The following SEPTIN10 variants were observed in gnomAD, a reference collection of about 807,000 sequenced individuals.
The protein encoded by SEPTIN10 is septin 10, also known as septin-10.
A neutral mutation model predicts 54.8 loss-of-function variants in SEPTIN10; 66 were observed. That is an observed-to-expected ratio of 1.21 (90% CI 0.99 to 1.48). The LOEUF (loss-of-function observed/expected upper bound fraction) is 1.48. SEPTIN10 is among the 40% of genes most tolerant of loss of function. The pLI is 0.00. For missense variants in SEPTIN10, 620 were observed against 545.6 expected (o/e 1.14, Z -1.36); for synonymous variants, 161 against 181.0 (o/e 0.89, Z 0.89).
intron 9 of SEPTIN10, among the ~76,000 whole-genome samples, chr2:109,548,396 G>C (rs1681882171): frequency 6.6e-6 from 1 of 152,212 alleles, no homozygotes; most frequent in Non-Finnish European, 1.5e-5. Context: ...TCTAGAAAAA[G>C]ACGACATAGC....
chr2:109,548,775 C>T (rs1259690889), intron 9 of SEPTIN10, among the ~76,000 whole-genome samples: 24 of 63,542 alleles, frequency 3.8e-4, no homozygotes, highest in African/African-American at 1.5e-3. Flanking sequence ...GGCTCCATCT[C>T]AAAAAAAAAA....
intron 1 of SEPTIN10, among the ~76,000 whole-genome samples, chr2:109,606,006 G>A (rs1208267558): frequency 1.3e-5 from 2 of 152,170 alleles, no homozygotes; most frequent in Non-Finnish European, 2.9e-5. Flanking sequence ...GGGGCAAGGA[G>A]GTACAAAGAC....
Position 109,544,263 on chromosome 2 carries a change from A to G in SEPTIN10, c.*46T>C, listed in dbSNP as rs769798448. ...AGCACACTTCTAGTTTTTTTTTAAT[A>G]AAGTTTGCTTGTGATGATGACCTTC... On this transcript the variant is annotated 3_prime_UTR_variant, in exon 11 of 11. Coordinates refer to ENST00000397712, the MANE Select transcript of SEPTIN10 (RefSeq NM_144710.5). 48 of 1,612,968 alleles carry G rather than the reference A, an allele frequency of 3.0e-5. No homozygotes were observed. Among genetic ancestry groups the G allele is most frequent in the African/African-American group, 1.6e-4 (12 of 74,898 alleles).
intron 2 of SEPTIN10, among the ~76,000 whole-genome samples, chr2:109,586,065 A>G (rs945383686): frequency 2.0e-5 from 3 of 152,240 alleles, no homozygotes; most frequent in Admixed American, 1.3e-4. Flanking sequence ...AGAGTCTAGC[A>G]CTATGTATAA....
intron 8 of SEPTIN10, among the ~76,000 whole-genome samples, chr2:109,554,413 C>A (rs1022103955): frequency 6.6e-6 from 1 of 152,170 alleles, no homozygotes; most frequent in Non-Finnish European, 1.5e-5. Flanking sequence ...ATTCTCCAAC[C>A]TGCTTACTCC....
chr2:109,611,772 T>C (rs1029452036), intron 1 of SEPTIN10, among the ~76,000 whole-genome samples: 1 of 152,056 alleles, frequency 6.6e-6, no homozygotes, highest in Non-Finnish European at 1.5e-5. Flanking sequence ...CAAGTTAAAA[T>C]CACCATGAGG....
Position 109,544,301 on chromosome 2 carries a change from C to T in SEPTIN10, c.*8G>A, listed in dbSNP as rs562966550. 109 of 1,595,144 alleles carry T rather than the reference C, an allele frequency of 6.8e-5. 1 individual carries two copies. Among genetic ancestry groups the T allele is most frequent in the Non-Finnish European group, 9.3e-5 (109 of 1,174,990 alleles). ...GATGATGACCTTCTGTGCTCTGGAA[C>T]TTCTGTTTTACAAAAAATTGGAGCT... On this transcript the variant is annotated 3_prime_UTR_variant, in exon 11 of 11. Transcript: ENST00000397712.
In SEPTIN10 at chr2:109,569,395, C is replaced by T. The variant is rs190276508; in HGVS notation, c.601-1419G>A. On this transcript the variant is annotated intron_variant, in intron 5 of 10. Transcript: ENST00000397712. ...GCAGTGAGCCGAGATCGCGTCATTG[C>T]ATTCCACACTTCAGCCTGGGCAACA... Among the ~76,000 whole-genome samples, 4 of 148,160 alleles carry T rather than the reference C, an allele frequency of 2.7e-5. No homozygotes were observed. The East Asian group carries it at 8.0e-4, about 30-fold the overall frequency.
At chr2:109,609,488 A>G (rs1431338772) in intron 1 of SEPTIN10, among the ~76,000 whole-genome samples, 1 of 152,138 alleles carries the variant, frequency 6.6e-6, no homozygotes, top group East Asian at 1.9e-4. Context: ...AATGAGAAGC[A>G]GCCTGGCTGC....
intron 4 of SEPTIN10, among the ~76,000 whole-genome samples, chr2:109,580,925 C>T (rs1690958203): frequency 6.6e-6 from 1 of 152,142 alleles, no homozygotes; most frequent in Non-Finnish European, 1.5e-5. Context: ...TTCAAGGAGG[C>T]AAAAGCAACA....
At chr2:109,566,267 CCCA>C (rs915378651) in intron 6 of SEPTIN10, among the ~76,000 whole-genome samples, 11 of 151,992 alleles carry the variant, frequency 7.2e-5, no homozygotes, top group African/African-American at 2.7e-4. Context: ...ATTACAGTTG[CCCA>C]CCACAACATC....
At chr2:109,546,274 C>A in intron 9 of SEPTIN10, 37 bp from the exon 10 acceptor site, 1 of 1,416,128 alleles carries the variant, frequency 7.1e-7, no homozygotes, top group East Asian at 2.5e-5. Context: ...ACTGACACAG[C>A]GCGGCAGCAG....
chr2:109,584,677 C>T (rs1692058456), intron 4 of SEPTIN10, among the ~76,000 whole-genome samples: 1 of 151,986 alleles, frequency 6.6e-6, no homozygotes, highest in African/African-American at 2.4e-5. Context: ...ATTTCACTAT[C>T]AAAACTTTCC....
At chr2:109,588,516 T>C (rs1648460287) in intron 2 of SEPTIN10, among the ~76,000 whole-genome samples, 1 of 152,244 alleles carries the variant, frequency 6.6e-6, no homozygotes, top group Admixed American at 6.5e-5. Flanking sequence ...TTTTTTAAGA[T>C]GGAGTTTTGC....
At chr2:109,550,057 G>A (rs7593495) in intron 9 of SEPTIN10, among the ~76,000 whole-genome samples, 4,987 of 151,864 alleles carry the variant, frequency 0.033, 243 homozygotes, top group African/African-American at 0.11. Flanking sequence ...TTGGGAGGCC[G>A]AGGCAGGCGG....
intron 9 of SEPTIN10, 117 bp downstream of exon 9, chr2:109,552,970 C>T: frequency 1.7e-6 from 2 of 1,152,972 alleles, no homozygotes; most frequent in East Asian, 2.4e-5. Context: ...GGAAAAGCTA[C>T]TCTTTAAAGA....
intron 4 of SEPTIN10, among the ~76,000 whole-genome samples, chr2:109,584,562 T>C (rs985283666): frequency 1.3e-5 from 2 of 152,008 alleles, no homozygotes; most frequent in African/African-American, 4.8e-5. Context: ...TTTTCCCCCT[T>C]TCATAGTTTA....
intron 10 of SEPTIN10, 135 bp downstream of exon 10, chr2:109,545,915 C>T (rs2104541509): frequency 6.9e-7 from 1 of 1,441,730 alleles, no homozygotes; most frequent in South Asian, 1.5e-5. Context: ...GGTCTCTCCT[C>T]TCCAGGAGCT....
chr2:109,552,502 C>G (rs941874830), intron 9 of SEPTIN10: 1 of 152,184 alleles, frequency 6.6e-6, no homozygotes, highest in African/African-American at 2.4e-5. Context: ...GCTCAAAAGG[C>G]CAAAATTCTC....
Sources: gnomAD v4.1 joint callset for allele counts (sites outside exome capture counted in the v4.1 genomes callset) on GRCh38, gnomAD v4.1.1 for gene constraint, MANE v1.5 for transcripts, NCBI Gene and HGNC (gene_info 2026-07-23, HGNC 2026-07-21) for gene names.